Variants in AOPEP observed in about 807,000 individuals in gnomAD.
The protein encoded by AOPEP is aminopeptidase O.
A neutral mutation model predicts 98.1 loss-of-function variants in AOPEP; 77 were observed. The observed-to-expected ratio is 0.78, with a 90% CI of 0.65 to 0.95. The LOEUF is 0.95. Ranked by LOEUF, AOPEP falls within the 40% of genes least tolerant of loss-of-function variation. The pLI is 0.00. For missense variants in AOPEP, 1,024 were observed against 1,024.7 expected (o/e 1.00, Z 0.01); for synonymous variants, 346 against 365.3 (o/e 0.95, Z 0.60).
At chr9:94,780,945 A>G (rs914472926) in intron 3 of AOPEP, among the ~76,000 whole-genome samples, 6 of 152,242 alleles carry the variant, frequency 3.9e-5, no homozygotes, top group Admixed American at 2.0e-4. Context: ...GCCCTTGGGC[A>G]GGGAACAGAA....
At chr9:94,729,053 TC>T (rs56140414) in intron 1 of AOPEP, among the ~76,000 whole-genome samples, 7,886 of 152,256 alleles carry the variant, frequency 0.052, 229 homozygotes, top group Admixed American at 0.077. Flanking sequence ...AAAGTTGGTG[TC>T]CCACCAAAGT....
chr9:95,013,458 A>C (rs1362770380), intron 13 of AOPEP, among the ~76,000 whole-genome samples: 1 of 133,624 alleles, frequency 7.5e-6, no homozygotes, highest in Non-Finnish European at 1.6e-5. Context: ...CGGCCGGAGG[A>C]TTGTATTTTC....
chr9:94,854,976 G>A (rs1203854826), intron 5 of AOPEP, among the ~76,000 whole-genome samples: 3 of 152,158 alleles, frequency 2.0e-5, no homozygotes, highest in Non-Finnish European at 2.9e-5. Flanking sequence ...TGTATAAAAT[G>A]TCAGATTCTA....
chr9:95,121,708 A>C, the AOPEP span, among the ~76,000 whole-genome samples: 2 of 152,198 alleles, frequency 1.3e-5, no homozygotes, highest in Non-Finnish European at 2.9e-5. Context: ...TGGAAAAGCA[A>C]GTCTCAAAAG....
the AOPEP span, among the ~76,000 whole-genome samples, chr9:95,093,800 G>A: frequency 6.6e-6 from 1 of 152,164 alleles, no homozygotes; most frequent in Non-Finnish European, 1.5e-5. Flanking sequence ...GCATGGACGC[G>A]CTGTAACTCG....
rs537639498 is a variant in AOPEP, at chr9:94,859,937, T to G, written c.1364+58935T>G. On this transcript the variant is annotated intron_variant, in intron 5 of 16. Coordinates refer to ENST00000375315, the MANE Select transcript of AOPEP (RefSeq NM_001193329.3). ...TGAACACTAAATTCTTCGGCTACAG[T>G]GATGAACAAATAGAGACAGTCCCTG... is the stretch of plus-strand genomic sequence containing the variant. Among the ~76,000 whole-genome samples, 5 of 152,374 alleles carry G rather than the reference T, an allele frequency of 3.3e-5. No individual in the cohort carries two copies. In the East Asian group the frequency reaches 9.6e-4, roughly 29 times the overall value.
intron 1 of AOPEP, among the ~76,000 whole-genome samples, chr9:94,732,876 T>C (rs1368569987): frequency 6.6e-6 from 1 of 152,352 alleles, no homozygotes; most frequent in Non-Finnish European, 1.5e-5. Flanking sequence ...CACAGATCTG[T>C]CTGTGTCCTA....
chr9:94,784,367 A>C (rs1426901596), intron 3 of AOPEP, among the ~76,000 whole-genome samples: 5 of 152,228 alleles, frequency 3.3e-5, no homozygotes, highest in African/African-American at 1.2e-4. Flanking sequence ...ATTTTTTATG[A>C]AAAATGATTA....
At chr9:95,098,050 G>GA in the AOPEP span, among the ~76,000 whole-genome samples, 1 of 152,134 alleles carries the variant, frequency 6.6e-6, no homozygotes, top group African/African-American at 2.4e-5. Flanking sequence ...GAAGCACGGG[G>GA]AACTGTTTCT....
At chr9:95,132,103 T>G in the AOPEP span, among the ~76,000 whole-genome samples, 1 of 152,190 alleles carries the variant, frequency 6.6e-6, no homozygotes, top group Non-Finnish European at 1.5e-5. Flanking sequence ...TCCTTTCTTT[T>G]GGGGACAAGT....
intron 7 of AOPEP, among the ~76,000 whole-genome samples, chr9:94,950,092 G>C (rs1236666742): frequency 1.3e-5 from 2 of 152,172 alleles, no homozygotes; most frequent in African/African-American, 4.8e-5. Context: ...TTTGGAATAG[G>C]TTTAGACTCC....
intron 9 of AOPEP, among the ~76,000 whole-genome samples, chr9:94,961,368 T>C (rs2058830397): frequency 6.6e-6 from 1 of 152,224 alleles, no homozygotes; most frequent in Non-Finnish European, 1.5e-5. Context: ...ATGTCTTCAT[T>C]GTATTTTTGA....
intron 7 of AOPEP, among the ~76,000 whole-genome samples, chr9:94,941,290 C>T (rs1259549004): frequency 1.3e-5 from 2 of 152,240 alleles, no homozygotes; most frequent in African/African-American, 4.8e-5. Context: ...CCTACCTGAT[C>T]ATTGGCCTGT....
intron 9 of AOPEP, among the ~76,000 whole-genome samples, chr9:94,967,462 C>T (rs2059276061): frequency 6.6e-6 from 1 of 152,054 alleles, no homozygotes; most frequent in South Asian, 2.1e-4. Flanking sequence ...TACTTGATGG[C>T]CAGCCTTTTG....
chr9:94,845,887 G>A (rs2042801171), intron 5 of AOPEP, among the ~76,000 whole-genome samples: 1 of 152,076 alleles, frequency 6.6e-6, no homozygotes, highest in African/African-American at 2.4e-5. Context: ...CTGAGGTCAG[G>A]AGTTCGAGAC....
chr9:94,796,998 A>C (rs1359333929), intron 4 of AOPEP, among the ~76,000 whole-genome samples: 1 of 152,252 alleles, frequency 6.6e-6, no homozygotes, highest in Non-Finnish European at 1.5e-5. Flanking sequence ...AAGAAAACAC[A>C]TTGAGACTGA....
intron 15 of AOPEP, 90 bp from the exon 16 acceptor site, chr9:95,082,485 G>C: frequency 7.1e-7 from 1 of 1,410,440 alleles, no homozygotes; most frequent in Non-Finnish European, 9.7e-7. Context: ...CAGCAAGTGT[G>C]TGTGGAACAA....
intron 13 of AOPEP, among the ~76,000 whole-genome samples, chr9:95,055,800 A>G (rs1174082291): frequency 1.3e-5 from 2 of 152,228 alleles, no homozygotes; most frequent in African/African-American, 2.4e-5. Flanking sequence ...GGCCGCCTGC[A>G]TGTGACTTTC....
At chr9:95,064,129 A>T (rs932581584) in intron 14 of AOPEP, among the ~76,000 whole-genome samples, 1 of 152,208 alleles carries the variant, frequency 6.6e-6, no homozygotes, top group Non-Finnish European at 1.5e-5. Flanking sequence ...TTGTAAGGGC[A>T]TACCTGTTTC....
Sources: allele counts gnomAD v4.1 joint callset (sites outside exome capture counted in the v4.1 genomes callset), GRCh38; gene constraint gnomAD v4.1.1; transcripts MANE v1.5; gene names NCBI Gene and HGNC (gene_info 2026-07-23, HGNC 2026-07-21).